TNS1: variants seen among roughly 807,000 people sequenced by gnomAD.
TNS1 encodes the protein tensin 1, also known as tensin-1.
TNS1 carries 62 observed loss-of-function variants against 168.6 expected under a neutral mutation model. The observed-to-expected ratio is 0.37, with a 90% CI of 0.30 to 0.45. TNS1 has a LOEUF of 0.45. Ranked by LOEUF, TNS1 falls within the 20% of genes least tolerant of loss-of-function variation. The pLI is 1.00. For missense variants in TNS1, 2,240 were observed against 2,339.4 expected (o/e 0.96, Z 0.88); for synonymous variants, 934 against 933.2 (o/e 1.00, Z -0.02).
At chr2:217,833,064 G>A (rs1944671464) in intron 21 of TNS1, among the ~76,000 whole-genome samples, 1 of 152,194 alleles carries the variant, frequency 6.6e-6, no homozygotes, top group African/African-American at 2.4e-5. Flanking sequence ...CAAACCAATG[G>A]CGGTTGAATG....
chr2:217,828,253 C>T (rs985286765), intron 22 of TNS1, among the ~76,000 whole-genome samples: 1 of 152,224 alleles, frequency 6.6e-6, no homozygotes, highest in Non-Finnish European at 1.5e-5. Context: ...AGCCCCTGAG[C>T]AGCCTGATGT....
At chr2:217,822,693 T>G (rs1262672337) in intron 22 of TNS1, among the ~76,000 whole-genome samples, 1 of 151,622 alleles carries the variant, frequency 6.6e-6, no homozygotes, top group African/African-American at 2.4e-5. Context: ...TAAGAGGGGG[T>G]GGGGGACACA....
chr2:217,907,908 T>C (rs1481964016), intron 4 of TNS1, among the ~76,000 whole-genome samples: 8 of 152,156 alleles, frequency 5.3e-5, no homozygotes, highest in Non-Finnish European at 4.4e-5. Flanking sequence ...TTTCCCTTCT[T>C]TTCCTACAAG....
At chr2:217,817,663 G>A in intron 24 of TNS1, 27 bp downstream of exon 24, 3 of 1,540,102 alleles carry the variant, frequency 1.9e-6, no homozygotes, top group South Asian at 2.4e-5. Flanking sequence ...AGCAGGAGAG[G>A]TGAAAATGGA....
chr2:217,998,232 T>TCTCTCG (rs1441843577), intron 1 of TNS1, among the ~76,000 whole-genome samples: 6 of 151,988 alleles, frequency 3.9e-5, no homozygotes, highest in Non-Finnish European at 8.8e-5. Context: ...TCTCTCTCTC[T>TCTCTCG]CTCTCTCTCT....
chr2:217,876,329 C>T (rs1422539564), intron 18 of TNS1, among the ~76,000 whole-genome samples: 1 of 152,186 alleles, frequency 6.6e-6, no homozygotes, highest in African/African-American at 2.4e-5. Context: ...CCATGGGGAC[C>T]TGGAATCTGG....
intron 3 of TNS1, among the ~76,000 whole-genome samples, chr2:217,921,673 C>T (rs551594467): frequency 6.6e-6 from 1 of 152,176 alleles, no homozygotes; most frequent in Non-Finnish European, 1.5e-5. Context: ...CAAATGGAGT[C>T]CTAGCATTTA....
intron 18 of TNS1, among the ~76,000 whole-genome samples, chr2:217,855,179 C>T (rs1476883654): frequency 6.6e-6 from 1 of 152,168 alleles, no homozygotes; most frequent in South Asian, 2.1e-4. Context: ...CCCAACAGGC[C>T]TCTGCCTACC....
chr2:217,859,817 A>C (rs1948616883), intron 18 of TNS1: 1 of 761,546 alleles, frequency 1.3e-6, no homozygotes, highest in East Asian at 2.7e-5. Context: ...AACGGCCCTC[A>C]AGTTCCCACC....
intron 3 of TNS1, among the ~76,000 whole-genome samples, chr2:217,950,919 C>T (rs1957225188): frequency 6.6e-6 from 1 of 151,978 alleles, no homozygotes; most frequent in Admixed American, 6.5e-5. Flanking sequence ...CTGCCCCGGG[C>T]TCCGAGGGAA....
chr2:217,965,529 G>A (rs551921201), intron 3 of TNS1, among the ~76,000 whole-genome samples: 85 of 151,570 alleles, frequency 5.6e-4, no homozygotes, highest in Non-Finnish European at 6.2e-4. Context: ...TCAGTGGCTT[G>A]GGAGGCTCAG....
At chr2:217,850,485 C>T in intron 18 of TNS1, 1 of 984,878 alleles carries the variant, frequency 1.0e-6, no homozygotes, top group Non-Finnish European at 1.2e-6. Context: ...TGGCTCGGGG[C>T]CAAAGGGCTG....
chr2:217,925,726 A>G (rs965118664), intron 3 of TNS1, among the ~76,000 whole-genome samples: 1 of 152,200 alleles, frequency 6.6e-6, no homozygotes. Context: ...GTAATGTACA[A>G]CCATTACCAT....
At chr2:218,014,008 G>A (rs1958734057), upstream of TNS1, among the ~76,000 whole-genome samples, 1 of 152,232 alleles carries the variant, frequency 6.6e-6, no homozygotes, top group African/African-American at 2.4e-5. Context: ...CCCAGAGGCA[G>A]CCAGCACAGG....
At chr2:217,837,853 G>A (rs570544431) in intron 19 of TNS1, among the ~76,000 whole-genome samples, 6 of 152,226 alleles carry the variant, frequency 3.9e-5, no homozygotes, top group Non-Finnish European at 7.3e-5. Flanking sequence ...AAGGAAAGAA[G>A]GGCGTGGTTT....
chr2:217,972,768 G>T (rs1957801695), intron 3 of TNS1, among the ~76,000 whole-genome samples: 1 of 152,206 alleles, frequency 6.6e-6, no homozygotes, highest in Non-Finnish European at 1.5e-5. Flanking sequence ...GTTGTCAACT[G>T]AAACTGCTAT....
chr2:218,031,603 A>C (rs1321691370), intron 1 of TNS1, among the ~76,000 whole-genome samples: 6 of 152,240 alleles, frequency 3.9e-5, no homozygotes, highest in Non-Finnish European at 4.4e-5. Context: ...AAGAGCACCC[A>C]TAGGTTACAT....
At chr2:217,879,244 A>C (rs1489504725) in intron 18 of TNS1, 1 of 302,712 alleles carries the variant, frequency 3.3e-6, no homozygotes, top group Non-Finnish European at 6.6e-6. Context: ...TTTTACATTT[A>C]TCATCGCATT....
rs1950607643 is a variant in TNS1 at position 217,880,841 on chromosome 2, T to C, written c.1429+57A>G. The C allele has an allele frequency of 2.2e-6, 3 of 1,334,432 alleles. No individual in the cohort carries two copies. Among genetic ancestry groups the C allele is most frequent in the Non-Finnish European group, 3.2e-6 (3 of 927,834 alleles). 82.7% of individuals were successfully genotyped at this position (1,334,432 alleles called of 1,614,324 possible). A position where few individuals can be genotyped will look rare whatever the true frequency, so the allele number is the denominator to read the frequency against. ...AAGCAGGCCAAGAGAAGCAAGGTCA[T>C]GTGAGCAGAGGCTGTGCAGTTTGGA... On this transcript the variant is annotated intron_variant, in intron 18 of 32. Transcript: ENST00000682258. The surrounding 1 kb of genome is among the most constrained non-coding windows in gnomAD (Gnocchi z 4.2).
Sources: gnomAD v4.1 joint callset for allele counts (sites outside exome capture counted in the v4.1 genomes callset) on GRCh38, gnomAD v4.1.1 for gene constraint, Gnocchi (gnomAD v3.1) non-coding constraint, MANE v1.5 for transcripts, NCBI Gene and HGNC (gene_info 2026-07-23, HGNC 2026-07-21) for gene names.